The following PCDHGA9 variants were observed in gnomAD, a reference collection of about 807,000 sequenced individuals.
The protein encoded by PCDHGA9 is protocadherin gamma subfamily A, 9, also known as protocadherin gamma-A9.
In PCDHGA9, 37 loss-of-function variants were observed where a neutral mutation model predicts 62.5. The ratio of observed to expected loss-of-function variants is 0.59; its 90% CI spans 0.46 to 0.78. The LOEUF (loss-of-function observed/expected upper bound fraction) is 0.78. Ranked by LOEUF, PCDHGA9 falls within the 30% of genes least tolerant of loss-of-function variation. The pLI, the probability that PCDHGA9 is intolerant of heterozygous loss-of-function variation, is 0.00. For synonymous variants in PCDHGA9, 459 were observed against 484.6 expected, an observed-to-expected ratio of 0.95 and a Z score of 0.69; for missense variants, 1,138 against 1,166.2, an observed-to-expected ratio of 0.98 and a Z score of 0.35.
intron 2 of PCDHGA9, among the ~76,000 whole-genome samples, chr5:141,501,802 C>T (rs2099811151): frequency 1.3e-5 from 2 of 152,154 alleles, no homozygotes; most frequent in Non-Finnish European, 2.9e-5. Context: ...ATCTCTTACC[C>T]AGCTTCACAT....
At chr5:141,469,111 T>TA (rs1275770294) in intron 1 of PCDHGA9, among the ~76,000 whole-genome samples, 1 of 151,476 alleles carries the variant, frequency 6.6e-6, no homozygotes, top group African/African-American at 2.4e-5. Context: ...AACCTGTCTC[T>TA]AAAAAAATTT....
Position 141,420,095 on chromosome 5 carries a change from G to A in PCDHGA9, c.2424+14719G>A, listed in dbSNP as rs1382286285. 2.5e-6 allele frequency: 4 copies of A among 1,613,882 alleles called. No individual in the cohort carries two copies. Among genetic ancestry groups the A allele is most frequent in the Admixed American group, 1.7e-5 (1 of 60,010 alleles). ...TGTGGGTCCCCCCAACTACAGTGAGGGAACGTTGCCCTATGCCTATAATTT... is the reference window on the plus strand; with the variant it reads ...TGTGGGTCCCCCCAACTACAGTGAGAGAACGTTGCCCTATGCCTATAATTT... On this transcript the variant is annotated intron_variant, in intron 1 of 3. Coordinates refer to ENST00000573521, the MANE Select transcript of PCDHGA9 (RefSeq NM_018921.3).
chr5:141,410,820 T>A (rs1032991309), intron 1 of PCDHGA9: 14 of 524,668 alleles, frequency 2.7e-5, no homozygotes, highest in Non-Finnish European at 4.1e-5. Context: ...TAAAATAATG[T>A]CACCAGACTG....
Position 141,404,725 on chromosome 5 carries a change from G to T in PCDHGA9, c.1773G>T (p.Val591=). The change falls in exon 1 of 4, where the codon GTG becomes GTT. Residue 591 remains valine (V), a synonymous_variant. Transcript: ENST00000573521. ...AGCCTGGCTACCTGGTGACCAAGGT[G>T]GTGGCAGTGGACAGAGACTCAGGCC... is the stretch of plus-strand genomic sequence containing the variant. ...SAEPGYLVTK[V]VAVDRDSGQN... 1 of 1,614,098 alleles carries T rather than the reference G, an allele frequency of 6.2e-7. No homozygotes were observed.
At chr5:141,505,127 A>C (rs926566427) in intron 2 of PCDHGA9, among the ~76,000 whole-genome samples, 1 of 152,158 alleles carries the variant, frequency 6.6e-6, no homozygotes, top group Non-Finnish European at 1.5e-5. Context: ...GCGCCACTGC[A>C]CTCCAGCCTG....
At chr5:141,408,816 A>T in intron 1 of PCDHGA9, 1 of 1,613,562 alleles carries the variant, frequency 6.2e-7, no homozygotes, top group East Asian at 2.2e-5. Flanking sequence ...CGGGAAGAAC[A>T]GAGATCTCAT....
In PCDHGA9 at chr5:141,433,837, CA is replaced by C. The variant is rs56191208; in HGVS notation, c.2424+28479del. ...GGGCAACAAGAGTGAAACTCTATCT[CA>C]AAAAAAAAAAAAAAAAACTTTATCC... On this transcript the variant is annotated intron_variant, in intron 1 of 3. Coordinates refer to ENST00000573521, the MANE Select transcript of PCDHGA9 (RefSeq NM_018921.3). Among the ~76,000 whole-genome samples, 895 of 111,670 alleles carry C rather than the reference CA, an allele frequency of 8.0e-3. 6 individuals carry two copies. Among genetic ancestry groups the C allele is most frequent in the South Asian group, 0.02 (67 of 3,288 alleles). The allele number at this position is 111,670 out of a possible 152,430, so 73.3% of individuals were successfully genotyped here. A position where few individuals can be genotyped will look rare whatever the true frequency, so the allele number is the denominator to read the frequency against.
In PCDHGA9 at chr5:141,489,537, C is replaced by T. The variant is rs2099688580; in HGVS notation, c.2425-5270C>T. 6.2e-6 allele frequency: 10 copies of T among 1,614,118 alleles called. No homozygotes were observed. Among genetic ancestry groups the T allele is most frequent in the Non-Finnish European group, 8.5e-6 (10 of 1,180,028 alleles). ...ACCGAGAAAGCCTATGTGGAGCCAG[C>T]ACCAGCTGCCTGCTGCCAGTGCAGG... On this transcript the variant is annotated intron_variant, in intron 1 of 3. Transcript: ENST00000573521. This position sits in a 1 kb window ranked among gnomAD's most constrained non-coding sequence, Gnocchi z 4.5.
chr5:141,456,576 A>C (rs1383992335), intron 1 of PCDHGA9, among the ~76,000 whole-genome samples: 2 of 152,188 alleles, frequency 1.3e-5, no homozygotes, highest in African/African-American at 4.8e-5. Context: ...ATTTTCCCTG[A>C]GCCTGTCAAT....
chr5:141,507,012 G>A (rs2099857902), intron 3 of PCDHGA9: 1 of 152,208 alleles, frequency 6.6e-6, no homozygotes, highest in Admixed American at 6.5e-5. Flanking sequence ...AGAGAACCGA[G>A]AAGGCACTTG....
intron 1 of PCDHGA9, among the ~76,000 whole-genome samples, chr5:141,481,049 C>A (rs1165894624): frequency 1.3e-5 from 2 of 152,096 alleles, no homozygotes; most frequent in Non-Finnish European, 2.9e-5. Context: ...CAGAGCGAGA[C>A]TCCACCTCAA....
chr5:141,460,507 G>A (rs2098991001), intron 1 of PCDHGA9, among the ~76,000 whole-genome samples: 1 of 152,036 alleles, frequency 6.6e-6, no homozygotes. Context: ...ATGCTGAGAA[G>A]GCTATCTTTT....
intron 1 of PCDHGA9, among the ~76,000 whole-genome samples, chr5:141,433,408 A>ATCT (rs1413347413): frequency 3.1e-3 from 395 of 127,344 alleles, no homozygotes; most frequent in African/African-American, 0.011. Context: ...TCTATCTATT[A>ATCT]CTTTCTTGTA....
chr5:141,491,616 C>T lies in PCDHGA9; in HGVS notation c.2425-3191C>T. 1 of 1,613,944 alleles carries T rather than the reference C, an allele frequency of 6.2e-7. No homozygotes were observed. Among genetic ancestry groups the T allele is most frequent in the South Asian group, 1.1e-5 (1 of 91,082 alleles). On this transcript the variant is annotated intron_variant, in intron 1 of 3. Coordinates refer to ENST00000573521, the MANE Select transcript of PCDHGA9 (RefSeq NM_018921.3). The surrounding 1 kb of genome is among the most constrained non-coding windows in gnomAD (Gnocchi z 6.9). ...GCAGTGACTTCACTTTTCTAAGACC[C>T]CTCAGCGTTCAGCAGCCCACAGCTC...
chr5:141,431,093 G>A lies in PCDHGA9; in HGVS notation c.2424+25717G>A. 6.2e-7 allele frequency: 1 copy of A among 1,614,250 alleles called. No individual in the cohort carries two copies. The highest frequency in any genetic ancestry group is 8.5e-7 in the Non-Finnish European group (1 of 1,180,032). On this transcript the variant is annotated intron_variant, in intron 1 of 3. Transcript: ENST00000573521. The surrounding 1 kb of genome is among the most constrained non-coding windows in gnomAD (Gnocchi z 4.8). Reference sequence around the variant, plus strand: ...ATTAAATCTAGACATTCTGATGGAGGATAAAGTGAAAATATATGGAGTAGA... The same window carrying A: ...ATTAAATCTAGACATTCTGATGGAGAATAAAGTGAAAATATATGGAGTAGA...
rs763601254 is a variant in PCDHGA9 at position 141,404,545 on chromosome 5, G to A, written c.1593G>A (p.Gln531=). Residue 531 remains glutamine, a synonymous_variant, in exon 1 of 4, where the codon CAG becomes CAA. Transcript: ENST00000573521. Reference sequence around the variant, plus strand: ...AGCAGTTTAGAGATTTGCAAATGCAGGTGACGGCAAGTGACAGTGGAAGCC... The same window carrying A: ...AGCAGTTTAGAGATTTGCAAATGCAAGTGACGGCAAGTGACAGTGGAAGCC... ...DYEQFRDLQM[Q]VTASDSGSPP... The A allele has an allele frequency of 6.2e-7, 1 of 1,613,940 alleles. No individual in the cohort carries two copies. The highest frequency in any genetic ancestry group is 1.7e-5 in the Admixed American group (1 of 60,028).
chr5:141,487,751 G>A lies in PCDHGA9; in HGVS notation c.2425-7056G>A. ...CACCATTTTTGTAAGAGGTAACTAT[G>A]TGGTAGACGCTGTGCTTTGTAACTG... On this transcript the variant is annotated intron_variant, in intron 1 of 3. Coordinates refer to ENST00000573521, the MANE Select transcript of PCDHGA9 (RefSeq NM_018921.3). This position sits in a 1 kb window ranked among gnomAD's most constrained non-coding sequence, Gnocchi z 5.0. 1 of 1,555,004 alleles carries A rather than the reference G, an allele frequency of 6.4e-7. No homozygotes were observed.
intron 1 of PCDHGA9, among the ~76,000 whole-genome samples, chr5:141,429,326 T>A (rs571458414): frequency 6.6e-6 from 1 of 152,230 alleles, no homozygotes; most frequent in East Asian, 1.9e-4. Context: ...TTTTCTTTAA[T>A]CCATTAACTA....
intron 1 of PCDHGA9, among the ~76,000 whole-genome samples, chr5:141,484,030 T>G (rs1290301073): frequency 6.6e-6 from 1 of 151,022 alleles, no homozygotes; most frequent in African/African-American, 2.4e-5. Flanking sequence ...TGAGATCAAG[T>G]CTCCAGCTCC....
Sources: allele counts gnomAD v4.1 joint callset (sites outside exome capture counted in the v4.1 genomes callset), GRCh38; gene constraint gnomAD v4.1.1; non-coding constraint Gnocchi (gnomAD v3.1); transcripts MANE v1.5; gene names NCBI Gene and HGNC (gene_info 2026-07-23, HGNC 2026-07-21).